The following NXPH1 variants were observed in gnomAD, a reference collection of about 807,000 sequenced individuals.
NXPH1 encodes the protein neurexophilin 1.
NXPH1 carries 5 observed loss-of-function variants against 23.7 expected under a neutral mutation model. The observed-to-expected ratio is 0.21, with a 90% CI of 0.11 to 0.44. The LOEUF (loss-of-function observed/expected upper bound fraction) is 0.44, where lower values mean the gene tolerates loss of function less well. NXPH1 is among the 20% of genes least tolerant of loss of function. NXPH1 has a pLI of 0.99. For synonymous variants in NXPH1, 144 were observed against 122.2 expected (o/e 1.18, Z -1.18); for missense variants, 324 against 321.6 (o/e 1.01, Z -0.06).
chr7:8,700,293 A>G (rs998946088), intron 2 of NXPH1, among the ~76,000 whole-genome samples: 1 of 152,172 alleles, frequency 6.6e-6, no homozygotes, highest in Non-Finnish European at 1.5e-5. Context: ...CTTTTGCATC[A>G]GTGTTTGACA....
intron 2 of NXPH1, among the ~76,000 whole-genome samples, chr7:8,644,858 A>G (rs542271196): frequency 8.5e-5 from 13 of 152,232 alleles, no homozygotes; most frequent in Non-Finnish European, 1.6e-4. Flanking sequence ...GCTTTTAGTA[A>G]TAATTTTACT....
intron 2 of NXPH1, among the ~76,000 whole-genome samples, chr7:8,651,046 T>G (rs1000256630): frequency 6.6e-6 from 1 of 150,750 alleles, no homozygotes; most frequent in Non-Finnish European, 1.5e-5. Context: ...TATGTATACA[T>G]GTGCCATGCT....
At chr7:8,503,129 T>A (rs1366662984) in intron 2 of NXPH1, among the ~76,000 whole-genome samples, 2 of 152,082 alleles carry the variant, frequency 1.3e-5, no homozygotes, top group Non-Finnish European at 2.9e-5. Flanking sequence ...GATCTATTTG[T>A]GCACAACAGA....
chr7:8,513,593 A>G (rs10263738), intron 2 of NXPH1, among the ~76,000 whole-genome samples: 45,490 of 151,978 alleles, frequency 0.3, 7,181 homozygotes, highest in East Asian at 0.55. Context: ...GGCGGCAGGT[A>G]AGGGATTGTA....
At chr7:8,506,315 T>A (rs1053134491) in intron 2 of NXPH1, among the ~76,000 whole-genome samples, 1 of 152,098 alleles carries the variant, frequency 6.6e-6, no homozygotes. Context: ...GGCTACATCA[T>A]CCAGTGTCCT....
intron 2 of NXPH1, among the ~76,000 whole-genome samples, chr7:8,456,401 A>G (rs575727926): frequency 1.3e-5 from 2 of 152,204 alleles, no homozygotes; most frequent in Non-Finnish European, 2.9e-5. Flanking sequence ...CAATTTTACA[A>G]TATAATCTGT....
chr7:8,531,339 T>C (rs1467208793), intron 2 of NXPH1, among the ~76,000 whole-genome samples: 2 of 152,214 alleles, frequency 1.3e-5, no homozygotes, highest in Non-Finnish European at 1.5e-5. Flanking sequence ...TGTGATGTAC[T>C]ACATAATAAT....
intron 2 of NXPH1, among the ~76,000 whole-genome samples, chr7:8,451,813 C>T (rs967571387): frequency 6.6e-6 from 1 of 152,154 alleles, no homozygotes; most frequent in Admixed American, 6.5e-5. Context: ...TGAGAAAGGT[C>T]GATCATGAGC....
intron 2 of NXPH1, among the ~76,000 whole-genome samples, chr7:8,499,020 C>G (rs1817387162): frequency 6.6e-6 from 1 of 151,996 alleles, no homozygotes; most frequent in South Asian, 2.1e-4. Flanking sequence ...GAGTGTTTAA[C>G]ATGAAGTGAA....
chr7:8,434,915 G>C lies in NXPH1; in HGVS notation c.-111+160G>C, dbSNP rs1364242050. The C allele has an allele frequency of 6.6e-6, 1 of 152,176 alleles. No individual in the cohort carries two copies. Among genetic ancestry groups the C allele is most frequent in the Non-Finnish European group, 1.5e-5 (1 of 68,062 alleles). The allele number at this position is 152,176 out of a possible 1,614,324, so 9.4% of individuals were successfully genotyped here. A position where few individuals can be genotyped will look rare whatever the true frequency, so the allele number is the denominator to read the frequency against. On this transcript the variant is annotated intron_variant, in intron 1 of 2. Transcript: ENST00000405863. This position sits in a 1 kb window ranked among gnomAD's most constrained non-coding sequence, Gnocchi z 7.6. ...GGAGGCTTCTTCTCTAGAAGTTAGC[G>C]ACCGGCTGTACCCTTTGGCTCGAAA...
intron 2 of NXPH1, among the ~76,000 whole-genome samples, chr7:8,483,959 C>T (rs1023293586): frequency 5.2e-5 from 7 of 135,826 alleles, no homozygotes; most frequent in Admixed American, 6.9e-5. Flanking sequence ...ATAACACTCC[C>T]CCCACCTTTT....
At chr7:8,593,687 T>A (rs1819154547) in intron 2 of NXPH1, among the ~76,000 whole-genome samples, 2 of 152,046 alleles carry the variant, frequency 1.3e-5, no homozygotes, top group Admixed American at 1.3e-4. Context: ...TGTCTTGCTG[T>A]CTCTGGACCT....
chr7:8,555,837 T>C (rs115853529), intron 2 of NXPH1, among the ~76,000 whole-genome samples: 2,247 of 151,820 alleles, frequency 0.015, 48 homozygotes, highest in African/African-American at 0.049. Context: ...TCTTAAAAAA[T>C]CTGGCTTACA....
At position 8,659,005 on chromosome 7, in the gene NXPH1, A is replaced by ATAT. The variant is rs1554263784; in HGVS notation, c.55-92002_55-92001insATT. On this transcript the variant is annotated intron_variant, in intron 2 of 2. Coordinates refer to ENST00000405863, the MANE Select transcript of NXPH1 (RefSeq NM_152745.3). ...TAAGAATATGTATATATATATATAT[A>ATAT]TTTTTTTTTTTTTTTGCTAAAACAG... Among the ~76,000 whole-genome samples, 146 of 73,246 alleles carry ATAT rather than the reference A, an allele frequency of 2.0e-3. 29 individuals are homozygous for ATAT. The highest frequency in any genetic ancestry group is 5.6e-3 in the African/African-American group (142 of 25,414). 48.1% of individuals were successfully genotyped at this position (73,246 alleles called of 152,430 possible). A position where few individuals can be genotyped will look rare whatever the true frequency, so the allele number is the denominator to read the frequency against.
intron 2 of NXPH1, among the ~76,000 whole-genome samples, chr7:8,523,459 A>G (rs1231118456): frequency 2.0e-5 from 3 of 152,206 alleles, no homozygotes; most frequent in African/African-American, 7.2e-5. Flanking sequence ...GTCCTTTATG[A>G]GAATTAAGTA....
chr7:8,730,729 T>C (rs952520077), intron 2 of NXPH1, among the ~76,000 whole-genome samples: 4 of 152,160 alleles, frequency 2.6e-5, no homozygotes. Flanking sequence ...CTGATGGGCT[T>C]CCCTTTGAGG....
intron 2 of NXPH1, among the ~76,000 whole-genome samples, chr7:8,471,841 T>G (rs141409951): frequency 1.6e-3 from 245 of 152,208 alleles, no homozygotes; most frequent in African/African-American, 5.6e-3. Flanking sequence ...TTCTTTTCAT[T>G]TAAAATAACA....
chr7:8,593,117 T>A (rs763137953), intron 2 of NXPH1, among the ~76,000 whole-genome samples: 9 of 151,970 alleles, frequency 5.9e-5, no homozygotes, highest in Non-Finnish European at 1.3e-4. Context: ...TAATAGTTTC[T>A]GGTGTATAAA....
chr7:8,666,788 A>C (rs543605115), intron 2 of NXPH1, among the ~76,000 whole-genome samples: 1 of 151,980 alleles, frequency 6.6e-6, no homozygotes, highest in South Asian at 2.1e-4. Context: ...TTATCAATTT[A>C]TTCTAGATTA....
Sources: gnomAD v4.1 joint callset for allele counts (sites outside exome capture counted in the v4.1 genomes callset) on GRCh38, gnomAD v4.1.1 for gene constraint, Gnocchi (gnomAD v3.1) non-coding constraint, MANE v1.5 for transcripts, NCBI Gene and HGNC (gene_info 2026-07-23, HGNC 2026-07-21) for gene names.